EML2: variants seen among roughly 807,000 people sequenced by gnomAD.
The protein encoded by EML2 is EMAP like 2.
A neutral mutation model predicts 84.7 loss-of-function variants in EML2; 59 were observed. The ratio of observed to expected loss-of-function variants is 0.70; its 90% CI spans 0.56 to 0.86. The LOEUF (loss-of-function observed/expected upper bound fraction) is 0.86, where lower values mean the gene tolerates loss of function less well. Among genes scored for constraint, EML2 ranks in the 40% least tolerant of loss-of-function variants. The pLI is 0.00. For synonymous variants in EML2, 352 were observed against 348.9 expected, an observed-to-expected ratio of 1.01 and a Z score of -0.10; for missense variants, 818 against 855.6, an observed-to-expected ratio of 0.96 and a Z score of 0.55.
Position 45,609,764 on chromosome 19 carries a change from G to T in EML2, c.1849C>A (p.His617Asn), listed in dbSNP as rs746114004. 3.1e-6 allele frequency: 5 copies of T among 1,612,666 alleles called. No individual in the cohort carries two copies. The East Asian group carries it at 8.9e-5, about 29-fold the overall frequency. ...PRALSHKYGG[H>N]SSHVTNVAFL... Reference sequence around the variant, plus strand: ...GCCACATTTGTCACATGGCTGCTGTGTCCACCGTACTTGTGGCTGAGGGCC... The same window carrying T: ...GCCACATTTGTCACATGGCTGCTGTTTCCACCGTACTTGTGGCTGAGGGCC... The change falls in exon 19 of 19, where the codon CAC becomes AAC. Residue 617 changes from histidine to asparagine, a missense_variant. Coordinates refer to ENST00000245925, the MANE Select transcript of EML2 (RefSeq NM_012155.4).
At chr19:45,626,373 C>A (rs1972320995) in intron 8 of EML2, among the ~76,000 whole-genome samples, 1 of 146,800 alleles carries the variant, frequency 6.8e-6, no homozygotes, top group African/African-American at 2.5e-5. Context: ...CCTTTGAATC[C>A]TCACAACTTT....
rs200665905 is a variant in EML2 at position 45,634,312 on chromosome 19, C to T, written c.329+10G>A. Reference sequence around the variant, plus strand: ...CAGCTCCCTCCCGTCCCCTCTGTCCCACATCTCACCATTTGATGTCATCGT... The same window carrying T: ...CAGCTCCCTCCCGTCCCCTCTGTCCTACATCTCACCATTTGATGTCATCGT... On this transcript the variant is annotated intron_variant, in intron 4 of 18. Transcript: ENST00000245925. The T allele has an allele frequency of 3.6e-4, 577 of 1,612,704 alleles. No individual in the cohort carries two copies. The highest frequency in any genetic ancestry group is 4.6e-4 in the Non-Finnish European group (544 of 1,179,202).
intron 17 of EML2, among the ~76,000 whole-genome samples, chr19:45,614,328 A>G (rs1454738914): frequency 6.6e-6 from 1 of 152,186 alleles, no homozygotes; most frequent in Non-Finnish European, 1.5e-5. Flanking sequence ...CTCAGGGAAT[A>G]TGTGTTTGCT....
chr19:45,638,815 C>T (rs1974085779), intron 2 of EML2, 30 bp downstream of exon 2: 1 of 1,612,944 alleles, frequency 6.2e-7, no homozygotes, highest in Admixed American at 1.7e-5. Context: ...AGCAAGCTTC[C>T]ACCGAGCCCT....
At chr19:45,616,303 C>G (rs1971062598) in intron 15 of EML2, among the ~76,000 whole-genome samples, 158 bp downstream of exon 15, 2 of 152,074 alleles carry the variant, frequency 1.3e-5, no homozygotes, top group African/African-American at 4.8e-5. Context: ...TTAGAACACA[C>G]GAGGTGGTGA....
chr19:45,638,560 A>T lies in EML2; in HGVS notation c.124T>A (p.Tyr42Asn), dbSNP rs1359112520. Residue 42 changes from tyrosine to asparagine, a missense_variant, in exon 3 of 19, where the codon TAC becomes AAC. Physicochemically the swap from Tyr to Asn is moderately radical, Grantham distance 143. Transcript: ENST00000245925. ...AGCTCCGAGCGTGTGTCCAGGCTGT[A>T]GGTGGGTGCCAGCTCGTCTGGGATC... ...MMIPDELAPT[Y>N]SLDTRSELPS... The T allele has an allele frequency of 6.2e-7, 1 of 1,614,110 alleles. No individual in the cohort carries two copies. The highest frequency in any genetic ancestry group is 1.1e-5 in the South Asian group (1 of 91,078).
chr19:45,620,986 G>A, intron 11 of EML2: 1 of 674,774 alleles, frequency 1.5e-6, no homozygotes, highest in South Asian at 1.5e-5. Flanking sequence ...GTGGCAGGAG[G>A]CAGCACAGTT....
intron 4 of EML2, 82 bp from the exon 5 acceptor site, chr19:45,633,221 T>G: frequency 3.5e-6 from 5 of 1,414,408 alleles, no homozygotes; most frequent in Non-Finnish European, 4.9e-6. Context: ...ATTCCACAAA[T>G]TGGCTGGTTG....
At chr19:45,618,910 GC>G (rs1236638220) in intron 12 of EML2, 149 bp downstream of exon 12, 2 of 843,868 alleles carry the variant, frequency 2.4e-6, no homozygotes, top group Middle Eastern at 4.0e-4. Context: ...TCGTGCCATT[GC>G]CCTCCAGCCT....
chr19:45,630,267 T>A lies in EML2; in HGVS notation c.511-221A>T, dbSNP rs543062136. Among the ~76,000 whole-genome samples the A allele has an allele frequency of 2.2e-4, 33 of 151,116 alleles. No homozygotes were observed. In the South Asian group the frequency reaches 3.8e-3, roughly 17 times the overall value. On this transcript the variant is annotated intron_variant, in intron 6 of 18. Transcript: ENST00000245925. ...AACAAATTTAAATATTAAAAAAAAATAAAAAGCCAGGCGTGGTGGCTCACA... is the reference window on the plus strand; with the variant it reads ...AACAAATTTAAATATTAAAAAAAAAAAAAAAGCCAGGCGTGGTGGCTCACA...
chr19:45,639,881 C>A (rs1031336258), upstream of EML2: 1 of 152,354 alleles, frequency 6.6e-6, no homozygotes, highest in Admixed American at 6.5e-5. Context: ...GTAATCCCAG[C>A]TACTTGGGAG....
At chr19:45,629,126 T>C (rs1972727408) in intron 7 of EML2, among the ~76,000 whole-genome samples, 1 of 152,066 alleles carries the variant, frequency 6.6e-6, no homozygotes, top group South Asian at 2.1e-4. Flanking sequence ...ATCCCCATTT[T>C]ATTTTATCTA....
intron 11 of EML2, chr19:45,620,908 G>A: frequency 4.1e-6 from 2 of 484,346 alleles, no homozygotes; most frequent in Non-Finnish European, 8.0e-6. Flanking sequence ...GTGTGGCCAG[G>A]GTGTCTGCAG....
chr19:45,619,828 GA>G (rs1450395955), intron 11 of EML2, among the ~76,000 whole-genome samples: 1 of 152,180 alleles, frequency 6.6e-6, no homozygotes, highest in African/African-American at 2.4e-5. Flanking sequence ...GCTGAGGCAG[GA>G]AGATTGAGCT....
chr19:45,634,189 G>A (rs1048527160), intron 4 of EML2, 133 bp downstream of exon 4: 54 of 1,146,186 alleles, frequency 4.7e-5, no homozygotes, highest in African/African-American at 6.2e-5. Flanking sequence ...TGGTGGCTTT[G>A]GAGAGGGAGC....
rs1224883346 is a variant in EML2, at chr19:45,626,831, A to T, written c.615T>A (p.Asn205Lys). The T allele has an allele frequency of 1.9e-6, 3 of 1,612,232 alleles. No individual in the cohort carries two copies. Among genetic ancestry groups the T allele is most frequent in the Non-Finnish European group, 2.5e-6 (3 of 1,179,338 alleles). ...GGAAGGTGGCCACCAATACAGCCTC[A>T]TTGGAGCACTTTGGGGGGTGGGGGA... Reference protein sequence around the residue: ...ETKVVDVKCSNEAVLVATFHP... With the variant: ...ETKVVDVKCSKEAVLVATFHP... Residue 205 changes from asparagine (N) to lysine (K), a missense_variant, in exon 8 of 19, where the codon AAT (asparagine) becomes AAA (lysine). By Grantham distance (94) the Asn-to-Lys change is moderately conservative (BLOSUM62 0). Transcript: ENST00000245925.
chr19:45,645,389 T>G (rs1312246955), upstream of EML2: 1 of 1,505,802 alleles, frequency 6.6e-7, no homozygotes, highest in East Asian at 2.6e-5. Context: ...CCGGGCCCGG[T>G]CCCCCCAACC....
At chr19:45,610,548 C>T (rs1462093064) in intron 18 of EML2, among the ~76,000 whole-genome samples, 1 of 151,850 alleles carries the variant, frequency 6.6e-6, no homozygotes, top group African/African-American at 2.4e-5. Flanking sequence ...ACTAAAAATA[C>T]AAAATTAGGC....
At chr19:45,627,845 T>C (rs1235478221) in intron 7 of EML2, among the ~76,000 whole-genome samples, 1 of 151,624 alleles carries the variant, frequency 6.6e-6, no homozygotes, top group Non-Finnish European at 1.5e-5. Context: ...GTGGATCACC[T>C]GAGGTCGGGA....
Sources: gnomAD v4.1 joint callset for allele counts (sites outside exome capture counted in the v4.1 genomes callset) on GRCh38, gnomAD v4.1.1 for gene constraint, MANE v1.5 for transcripts, NCBI Gene and HGNC (gene_info 2026-07-23, HGNC 2026-07-21) for gene names.